BICD1: variants seen among roughly 807,000 people sequenced by gnomAD.
The protein encoded by BICD1 is protein bicaudal D homolog 1.
In BICD1, 35 loss-of-function variants were observed where a neutral mutation model predicts 92.5. That is an observed-to-expected ratio of 0.38 (90% CI 0.29 to 0.50). The LOEUF (loss-of-function observed/expected upper bound fraction) is 0.50. Among genes scored for constraint, BICD1 ranks in the 20% least tolerant of loss-of-function variants. BICD1 has a pLI of 0.93. For missense variants in BICD1, 950 were observed against 1,189.8 expected, an observed-to-expected ratio of 0.80 and a Z score of 2.97; for synonymous variants, 429 against 465.1, an observed-to-expected ratio of 0.92 and a Z score of 1.00.
intron 9 of BICD1, among the ~76,000 whole-genome samples, chr12:32,373,414 GATA>G (rs1939810098): frequency 6.6e-6 from 1 of 151,996 alleles, no homozygotes; most frequent in African/African-American, 2.4e-5. Flanking sequence ...TAATACTATA[GATA>G]ATAACTTTAT....
chr12:32,113,656 G>A (rs945210692), intron 1 of BICD1, among the ~76,000 whole-genome samples: 4 of 150,264 alleles, frequency 2.7e-5, no homozygotes. Context: ...TGATTCTCCT[G>A]CCTCAGCCTC....
intron 1 of BICD1, among the ~76,000 whole-genome samples, chr12:32,179,956 C>A (rs1944224289): frequency 6.8e-6 from 1 of 146,236 alleles, no homozygotes; most frequent in Non-Finnish European, 1.5e-5. Flanking sequence ...CGCTACTGCA[C>A]TCCAGCCTGG....
intron 2 of BICD1, among the ~76,000 whole-genome samples, chr12:32,276,053 C>T (rs749709015): frequency 1.8e-4 from 27 of 152,196 alleles, no homozygotes; most frequent in Middle Eastern, 3.4e-3. Context: ...TCCCCGGTAA[C>T]ATTTTGGCGA....
At chr12:32,196,378 A>G (rs1944728543) in intron 1 of BICD1, among the ~76,000 whole-genome samples, 1 of 152,232 alleles carries the variant, frequency 6.6e-6, no homozygotes, top group South Asian at 2.1e-4. Context: ...TATGGAAACA[A>G]CCTAAGTATC....
At chr12:32,208,866 C>T (rs1945135083) in intron 1 of BICD1, among the ~76,000 whole-genome samples, 1 of 151,234 alleles carries the variant, frequency 6.6e-6, no homozygotes. Context: ...ACGTTGTTGC[C>T]CAGGCTGCAG....
intron 2 of BICD1, among the ~76,000 whole-genome samples, chr12:32,237,377 A>T (rs79466692): frequency 6.6e-6 from 1 of 152,234 alleles, no homozygotes; most frequent in African/African-American, 2.4e-5. Flanking sequence ...TATCCAGAAG[A>T]TCTAGCTGAG....
intron 1 of BICD1, among the ~76,000 whole-genome samples, chr12:32,148,615 G>A (rs1178866807): frequency 1.2e-4 from 18 of 152,124 alleles, no homozygotes; most frequent in Admixed American, 1.2e-3. Context: ...CCCTTTTAAG[G>A]TCACTTGGCA....
At chr12:32,284,880 G>A (rs1174173635) in intron 2 of BICD1, among the ~76,000 whole-genome samples, 1 of 152,118 alleles carries the variant, frequency 6.6e-6, no homozygotes, top group Admixed American at 6.5e-5. Context: ...AGAGGTTCGC[G>A]ACACTAGACT....
At chr12:32,149,013 C>G (rs609194) in intron 1 of BICD1, among the ~76,000 whole-genome samples, 14 of 47,434 alleles carry the variant, frequency 3.0e-4, no homozygotes, top group Non-Finnish European at 4.8e-4. Context: ...AAGTGAGGCT[C>G]TGTCTCCAAA....
At position 32,294,137 on chromosome 12, in the gene BICD1, G is replaced by A. The variant is rs1409663529; in HGVS notation, c.570G>A (p.Lys190=). ...TGCAGAAACTAGTGTCCACGTTGAA[G>A]CAGAACCAGGTAAGGTTTAAGAAAT... ...ITLQKLVSTL[K]QNQVEYEGLK... The change falls in exon 3 of 10, where the codon AAG becomes AAA. Residue 190 remains lysine (K), a synonymous_variant. Transcript: ENST00000652176. The A allele has an allele frequency of 6.3e-7, 1 of 1,599,692 alleles. No individual in the cohort carries two copies. The highest frequency in any genetic ancestry group is 8.5e-7 in the Non-Finnish European group (1 of 1,176,596).
chr12:32,327,541 G>A lies in BICD1; in HGVS notation c.1086G>A (p.Thr362=), dbSNP rs764076085. The A allele has an allele frequency of 6.8e-6, 11 of 1,614,042 alleles. No individual in the cohort carries two copies. The highest frequency in any genetic ancestry group is 4.4e-5 in the South Asian group (4 of 91,082). The change falls in exon 5 of 10, where the codon ACG becomes ACA. Residue 362 remains threonine, a synonymous_variant. Coordinates refer to ENST00000652176, the MANE Select transcript of BICD1 (RefSeq NM_001714.4). The part of the protein sequence containing the change: ...TQLEHTKGAL[T]EQHERVHRLT... ...TGGAACACACCAAGGGGGCACTGAC[G>A]GAGCAGCATGAGCGGGTGCACCGGC...
chr12:32,211,666 T>C (rs1268441938), intron 1 of BICD1, among the ~76,000 whole-genome samples: 2 of 151,700 alleles, frequency 1.3e-5, no homozygotes, highest in Non-Finnish European at 2.9e-5. Context: ...TGACAGACAT[T>C]TCCAGTTTCC....
intron 3 of BICD1, among the ~76,000 whole-genome samples, chr12:32,299,307 C>A (rs544123797): frequency 1.7e-4 from 26 of 152,258 alleles, no homozygotes; most frequent in African/African-American, 6.0e-4. Context: ...CTTCTTGTTC[C>A]GTTTCTTGCT....
At chr12:32,350,883 G>A (rs1938839635) in intron 8 of BICD1, among the ~76,000 whole-genome samples, 1 of 152,178 alleles carries the variant, frequency 6.6e-6, no homozygotes, top group Non-Finnish European at 1.5e-5. Flanking sequence ...TCACCTCTCA[G>A]CCAATAATAG....
At chr12:32,317,535 C>T (rs1360074604) in intron 4 of BICD1, among the ~76,000 whole-genome samples, 3 of 152,260 alleles carry the variant, frequency 2.0e-5, no homozygotes, top group African/African-American at 7.2e-5. Context: ...ATATCCTGCA[C>T]CCACTTTTTG....
intron 8 of BICD1, among the ~76,000 whole-genome samples, chr12:32,364,939 A>G (rs73303959): frequency 0.023 from 3,557 of 152,222 alleles, 131 homozygotes; most frequent in African/African-American, 0.08. Context: ...TCCTGTCTCA[A>G]AAACTAAATA....
rs757266211 is a variant in BICD1 at position 32,217,525 on chromosome 12, A to G, written c.426+1066A>G. Among the ~76,000 whole-genome samples the G allele has an allele frequency of 2.6e-5, 4 of 152,262 alleles. No homozygotes were observed. In the East Asian group the frequency reaches 7.7e-4, roughly 29 times the overall value. ...ATGAATACTGACAGCAAGGTCACTT[A>G]TGAGATAAGGTTTACTTATCTCGTT... is the stretch of plus-strand genomic sequence containing the variant. On this transcript the variant is annotated intron_variant, in intron 2 of 9. Transcript: ENST00000652176.
Position 32,337,803 on chromosome 12 carries a change from A to G in BICD1, c.2557A>G (p.Thr853Ala). The part of the protein sequence containing the change: ...QTPNIRVSSG[T>A]QRKRQFSPSL... ...ACCCAACATTCGGGTCAGCAGTGGC[A>G]CTCAGAGGAAAAGGTATGCATGCAG... is the stretch of plus-strand genomic sequence containing the variant. The change falls in exon 7 of 10, where the codon ACT becomes GCT. Residue 853 changes from threonine to alanine, a missense_variant. By Grantham distance (58) the Thr-to-Ala change is moderately conservative (BLOSUM62 0). Around this residue, in one of 5 missense-constraint regions of BICD1, gnomAD observed 179 missense variants for 186.7 expected, o/e 0.96. Coordinates refer to ENST00000652176, the MANE Select transcript of BICD1 (RefSeq NM_001714.4). This position sits in a 1 kb window ranked among gnomAD's most constrained non-coding sequence, Gnocchi z 4.7. 6.2e-7 allele frequency: 1 copy of G among 1,614,138 alleles called. No homozygotes were observed. The highest frequency in any genetic ancestry group is 1.3e-5 in the African/African-American group (1 of 75,048).
chr12:32,221,224 C>G (rs1592501577), intron 2 of BICD1, among the ~76,000 whole-genome samples: 1 of 147,086 alleles, frequency 6.8e-6, no homozygotes, highest in Non-Finnish European at 1.5e-5. Context: ...GCACATGTGC[C>G]CTAAAACTTT....
Sources: gnomAD v4.1 joint callset for allele counts (sites outside exome capture counted in the v4.1 genomes callset) on GRCh38, gnomAD v4.1.1 for gene constraint, gnomAD v4.1.1 regional missense constraint, Gnocchi (gnomAD v3.1) non-coding constraint, MANE v1.5 for transcripts, NCBI Gene and HGNC (gene_info 2026-07-23, HGNC 2026-07-21) for gene names.